USP49: variants seen among roughly 807,000 people sequenced by gnomAD.
USP49 encodes ubiquitin carboxyl-terminal hydrolase 49.
USP49 carries 24 observed loss-of-function variants against 58.6 expected under a neutral mutation model. That is an observed-to-expected ratio of 0.41 (90% CI 0.30 to 0.58). USP49 has a LOEUF of 0.58. USP49 is among the 20% of genes least tolerant of loss of function. The pLI, the probability that USP49 is intolerant of heterozygous loss-of-function variation, is 0.30. For missense variants in USP49, 703 were observed against 866.1 expected, an observed-to-expected ratio of 0.81 and a Z score of 2.36; for synonymous variants, 408 against 365.1, an observed-to-expected ratio of 1.12 and a Z score of -1.34.
chr6:41,821,548 A>C lies in USP49; in HGVS notation c.-28-14537T>G, dbSNP rs568139823. Reference sequence around the variant, plus strand: ...AGTACTTTGGGAGGCTGAGGTGGGTAGATCATTTGAGGTCAGGAGTTCAGG... The same window carrying C: ...AGTACTTTGGGAGGCTGAGGTGGGTCGATCATTTGAGGTCAGGAGTTCAGG... On this transcript the variant is annotated intron_variant, in intron 3 of 7. Coordinates refer to ENST00000682992, the MANE Select transcript of USP49 (RefSeq NM_001286554.2). Among the ~76,000 whole-genome samples the C allele has an allele frequency of 3.3e-5, 5 of 152,218 alleles. No individual in the cohort carries two copies. The East Asian group carries it at 9.6e-4, about 29-fold the overall frequency.
chr6:41,808,679 C>T (rs1773188147), intron 3 of USP49, among the ~76,000 whole-genome samples: 2 of 151,760 alleles, frequency 1.3e-5, no homozygotes, highest in Admixed American at 6.6e-5. Flanking sequence ...CAAAGTGCTG[C>T]GATTATAGGT....
At position 41,847,392 on chromosome 6, in the gene USP49, G is replaced by A. The variant is rs1773942117; in HGVS notation, c.-29+24172C>T. On this transcript the variant is annotated intron_variant, in intron 3 of 7. Transcript: ENST00000682992. Reference sequence around the variant, plus strand: ...TAACTGAACTGAAAAATTTATTAGAGGGGTTCAATAGCAGGTTTAATCAGG... The same window carrying A: ...TAACTGAACTGAAAAATTTATTAGAAGGGTTCAATAGCAGGTTTAATCAGG... 2.0e-5 allele frequency among the ~76,000 whole-genome samples: 3 copies of A among 152,114 alleles called. No individual in the cohort carries two copies. The South Asian group carries it at 6.2e-4, about 31-fold the overall frequency.
chr6:41,887,590 T>C (rs1341873781), intron 2 of USP49, among the ~76,000 whole-genome samples: 1 of 152,130 alleles, frequency 6.6e-6, no homozygotes, highest in East Asian at 1.9e-4. Flanking sequence ...GGCAAAGACA[T>C]AGACAAAAGC....
intron 3 of USP49, among the ~76,000 whole-genome samples, chr6:41,867,501 T>C (rs1323572547): frequency 6.8e-6 from 1 of 147,698 alleles, no homozygotes; most frequent in Non-Finnish European, 1.5e-5. Context: ...CCCAGCACTC[T>C]GGGAGGCTGA....
intron 3 of USP49, among the ~76,000 whole-genome samples, chr6:41,817,915 C>T (rs2127332088): frequency 6.6e-6 from 1 of 152,332 alleles, no homozygotes; most frequent in African/African-American, 2.4e-5. Context: ...TTCACCGGGC[C>T]ACTCCCACAC....
chr6:41,818,174 C>T (rs556023369), intron 3 of USP49, among the ~76,000 whole-genome samples: 1 of 152,254 alleles, frequency 6.6e-6, no homozygotes, highest in Non-Finnish European at 1.5e-5. Context: ...CAAGCTGGCC[C>T]TGAAGGGATC....
chr6:41,857,315 G>A (rs16895040), intron 3 of USP49, among the ~76,000 whole-genome samples: 8,692 of 152,258 alleles, frequency 0.057, 438 homozygotes, highest in Admixed American at 0.12. Flanking sequence ...TCCTTTCAGC[G>A]TATTATCTCC....
At chr6:41,875,997 T>C (rs1278701561) in intron 2 of USP49, among the ~76,000 whole-genome samples, 1 of 152,236 alleles carries the variant, frequency 6.6e-6, no homozygotes, top group Non-Finnish European at 1.5e-5. Flanking sequence ...CCCAAAGTGC[T>C]GGGATTACAG....
Position 41,856,027 on chromosome 6 carries a change from G to A in USP49, c.-29+15537C>T, listed in dbSNP as rs1397319614. On this transcript the variant is annotated intron_variant, in intron 3 of 7. Coordinates refer to ENST00000682992, the MANE Select transcript of USP49 (RefSeq NM_001286554.2). ...AGTGCCACTGCATTCCAGCCTAGGCGACAGAGTGAGACTCCATCTCAAAAA... is the reference window on the plus strand; with the variant it reads ...AGTGCCACTGCATTCCAGCCTAGGCAACAGAGTGAGACTCCATCTCAAAAA... Among the ~76,000 whole-genome samples, 10 of 150,230 alleles carry A rather than the reference G, an allele frequency of 6.7e-5. 1 individual carries two copies. Among genetic ancestry groups the A allele is most frequent in the South Asian group, 4.2e-4 (2 of 4,756 alleles).
chr6:41,821,711 T>C (rs1354177653), intron 3 of USP49, among the ~76,000 whole-genome samples: 1 of 151,958 alleles, frequency 6.6e-6, no homozygotes, highest in Non-Finnish European at 1.5e-5. Context: ...GAGGTGGAGG[T>C]TGCAGTGAGC....
At chr6:41,797,705 G>A (rs865924123) in intron 7 of USP49, 2 of 985,744 alleles carry the variant, frequency 2.0e-6, no homozygotes, top group African/African-American at 3.5e-5. Context: ...ATCTCCTTGA[G>A]GTTACACAGG....
chr6:41,861,045 C>T (rs914156969), intron 3 of USP49, among the ~76,000 whole-genome samples: 1 of 152,058 alleles, frequency 6.6e-6, no homozygotes, highest in Non-Finnish European at 1.5e-5. Flanking sequence ...AGGAGAATTG[C>T]TTGAACCAGG....
Position 41,806,131 on chromosome 6 carries a change from C to G in USP49, c.853G>C (p.Asp285His). 3.7e-6 allele frequency: 6 copies of G among 1,613,808 alleles called. No homozygotes were observed. The highest frequency in any genetic ancestry group is 5.1e-6 in the Non-Finnish European group (6 of 1,180,034). ...AACAGATGTTCCGTTTTGGAAGGGT[C>G]AAGGTTGAGGAAACATTCTCGGAAC... ...QKFRECFLNL[D>H]PSKTEHLFPK... The change falls in exon 4 of 8, where the codon GAC becomes CAC. Residue 285 changes from aspartate (D) to histidine (H), a missense_variant. Physicochemically the swap from Asp to His is moderately conservative, Grantham distance 81 (BLOSUM62 -1). Transcript: ENST00000682992. The surrounding 1 kb of genome is among the most constrained non-coding windows in gnomAD (Gnocchi z 5.9).
In USP49 at chr6:41,806,127, G is replaced by C. The variant is rs756903919; in HGVS notation, c.857C>G (p.Pro286Arg). 3.1e-6 allele frequency: 5 copies of C among 1,613,798 alleles called. No homozygotes were observed. Among genetic ancestry groups the C allele is most frequent in the Non-Finnish European group, 4.2e-6 (5 of 1,180,060 alleles). ...KFRECFLNLD[P>R]SKTEHLFPKA... ...GGGAAACAGATGTTCCGTTTTGGAA[G>C]GGTCAAGGTTGAGGAAACATTCTCG... Residue 286 changes from proline (P) to arginine (R), a missense_variant, in exon 4 of 8, where the codon CCT becomes CGT. Physicochemically the swap from Pro to Arg is moderately radical, Grantham distance 103. Around this residue, in one of 6 missense-constraint regions of USP49, gnomAD observed 97 missense variants for 88.0 expected, o/e 1.10. Coordinates refer to ENST00000682992, the MANE Select transcript of USP49 (RefSeq NM_001286554.2). This position sits in a 1 kb window ranked among gnomAD's most constrained non-coding sequence, Gnocchi z 5.9.
intron 2 of USP49, among the ~76,000 whole-genome samples, chr6:41,889,750 G>A (rs967088174): frequency 2.6e-5 from 4 of 152,146 alleles, no homozygotes; most frequent in Non-Finnish European, 5.9e-5. Flanking sequence ...TAAACTTTTT[G>A]AAATACTCAA....
chr6:41,859,409 C>T (rs1376991853), intron 3 of USP49, among the ~76,000 whole-genome samples: 2 of 152,146 alleles, frequency 1.3e-5, no homozygotes, highest in East Asian at 3.8e-4. Flanking sequence ...TATAGTCACT[C>T]CTTCCTCCAA....
At chr6:41,853,230 C>T (rs1213006991) in intron 3 of USP49, among the ~76,000 whole-genome samples, 1 of 152,072 alleles carries the variant, frequency 6.6e-6, no homozygotes, top group Non-Finnish European at 1.5e-5. Flanking sequence ...CATGCTACAA[C>T]ATAAATGAGC....
At chr6:41,882,457 C>T (rs1057202145) in intron 2 of USP49, among the ~76,000 whole-genome samples, 1 of 152,156 alleles carries the variant, frequency 6.6e-6, no homozygotes, top group Non-Finnish European at 1.5e-5. Flanking sequence ...CCAAAGATTG[C>T]TCCATATACA....
At chr6:41,875,407 C>A (rs1220854050) in intron 2 of USP49, among the ~76,000 whole-genome samples, 1 of 152,124 alleles carries the variant, frequency 6.6e-6, no homozygotes, top group African/African-American at 2.4e-5. Context: ...AAGTGTCTTG[C>A]CCTGTAAGCT....
Sources: allele counts gnomAD v4.1 joint callset (sites outside exome capture counted in the v4.1 genomes callset), GRCh38; gene constraint gnomAD v4.1.1; regional missense constraint gnomAD v4.1.1; non-coding constraint Gnocchi (gnomAD v3.1); transcripts MANE v1.5; gene names NCBI Gene and HGNC (gene_info 2026-07-23, HGNC 2026-07-21).